FAF1: variants seen among roughly 807,000 people sequenced by gnomAD.
FAF1 encodes FAS-associated factor 1.
FAF1 carries 25 observed loss-of-function variants against 92.5 expected under a neutral mutation model. The observed-to-expected ratio is 0.27, with a 90% confidence interval of 0.20 to 0.38. The LOEUF (loss-of-function observed/expected upper bound fraction) is 0.38. Ranked by LOEUF, FAF1 falls within the 10% of genes least tolerant of loss-of-function variation. FAF1 has a pLI of 1.00. For missense variants in FAF1, 636 were observed against 793.3 expected (o/e 0.80, Z 2.38); for synonymous variants, 234 against 273.2 (o/e 0.86, Z 1.42).
chr1:50,882,423 G>C (rs761839597), intron 1 of FAF1, among the ~76,000 whole-genome samples: 12 of 150,610 alleles, frequency 8.0e-5, no homozygotes, highest in Non-Finnish European at 1.3e-4. Context: ...GTAAAACCCT[G>C]TCTCCACTAA....
At chr1:50,796,065 A>G (rs1429167636) in intron 3 of FAF1, among the ~76,000 whole-genome samples, 1 of 152,164 alleles carries the variant, frequency 6.6e-6, no homozygotes, top group Non-Finnish European at 1.5e-5. Flanking sequence ...ACAACAAAAA[A>G]AAACAAAAAC....
chr1:50,855,291 C>T (rs1468376444), intron 2 of FAF1, among the ~76,000 whole-genome samples: 1 of 151,728 alleles, frequency 6.6e-6, no homozygotes, highest in Non-Finnish European at 1.5e-5. Flanking sequence ...AATCTGGATG[C>T]ACTGTAAGCA....
chr1:50,781,032 C>A (rs772909752), intron 4 of FAF1: 8 of 457,474 alleles, frequency 1.7e-5, no homozygotes, highest in Non-Finnish European at 3.5e-5. Context: ...CTGTGGGTGA[C>A]AGCCTGATTG....
At chr1:50,955,236 A>C (rs1264113284) in intron 1 of FAF1, among the ~76,000 whole-genome samples, 1 of 152,230 alleles carries the variant, frequency 6.6e-6, no homozygotes, top group Non-Finnish European at 1.5e-5. Context: ...ATAGTTACAA[A>C]AAGACTTGAA....
At chr1:50,681,825 G>GT (rs375893597) in intron 7 of FAF1, among the ~76,000 whole-genome samples, 158 of 149,740 alleles carry the variant, frequency 1.1e-3, no homozygotes, top group Non-Finnish European at 1.6e-3. Context: ...GGCCTCTTTT[G>GT]TTTTTTTTGG....
chr1:50,621,341 C>CAG (rs1157874690), intron 8 of FAF1, among the ~76,000 whole-genome samples: 1 of 150,732 alleles, frequency 6.6e-6, no homozygotes. Context: ...GGAGGGCTTG[C>CAG]AGATATGCCC....
intron 13 of FAF1, among the ~76,000 whole-genome samples, chr1:50,548,112 T>C (rs1408987330): frequency 1.3e-5 from 2 of 152,188 alleles, no homozygotes; most frequent in East Asian, 3.9e-4. Context: ...CCATATAACA[T>C]TTCTTCTGTG....
chr1:50,710,950 C>G (rs927659073), intron 6 of FAF1, among the ~76,000 whole-genome samples: 14 of 145,332 alleles, frequency 9.6e-5, no homozygotes, highest in Admixed American at 3.6e-4. Flanking sequence ...TGCACTGTCA[C>G]CCAGGCTGGA....
At chr1:50,751,512 T>C (rs1048653242) in intron 4 of FAF1, among the ~76,000 whole-genome samples, 1 of 151,938 alleles carries the variant, frequency 6.6e-6, no homozygotes, top group Admixed American at 6.6e-5. Context: ...CCTGACAAAT[T>C]TTTGTATTTT....
At chr1:50,664,655 AT>A (rs1557463493) in intron 7 of FAF1, among the ~76,000 whole-genome samples, 1 of 152,144 alleles carries the variant, frequency 6.6e-6, no homozygotes, top group African/African-American at 2.4e-5. Context: ...TTAGCCAGGC[AT>A]GGTGGCGGGC....
At chr1:50,773,613 T>C (rs1301424289) in intron 4 of FAF1, among the ~76,000 whole-genome samples, 2 of 152,240 alleles carry the variant, frequency 1.3e-5, no homozygotes, top group South Asian at 4.1e-4. Context: ...CACTTACATA[T>C]GGAATCTAAA....
At chr1:50,594,081 G>A (rs1012373510) in intron 9 of FAF1, among the ~76,000 whole-genome samples, 3 of 152,134 alleles carry the variant, frequency 2.0e-5, no homozygotes, top group Non-Finnish European at 4.4e-5. Flanking sequence ...GGAGGGCTGA[G>A]GAGGGTGGAT....
intron 12 of FAF1, among the ~76,000 whole-genome samples, chr1:50,574,472 T>C (rs1458181074): frequency 6.6e-6 from 1 of 152,152 alleles, no homozygotes; most frequent in Non-Finnish European, 1.5e-5. Flanking sequence ...CTCTTAAAAG[T>C]GCAGGAAGGA....
At chr1:50,556,238 CAAAAA>C (rs34420030) in intron 13 of FAF1, among the ~76,000 whole-genome samples, 17 of 73,802 alleles carry the variant, frequency 2.3e-4, no homozygotes, top group African/African-American at 1.0e-4. Flanking sequence ...ACTCCATCTC[CAAAAA>C]AAAAAAAAAA....
chr1:50,710,634 G>A (rs1024876634), intron 6 of FAF1, among the ~76,000 whole-genome samples: 3 of 150,496 alleles, frequency 2.0e-5, no homozygotes, highest in Admixed American at 6.6e-5. Context: ...ACAGAGTCTC[G>A]CTCTGTCACC....
intron 4 of FAF1, among the ~76,000 whole-genome samples, chr1:50,746,296 T>A (rs867793842): frequency 2.8e-3 from 105 of 37,702 alleles, no homozygotes; most frequent in East Asian, 6.1e-3. Context: ...ATATATATTT[T>A]TTTTTTTTTT....
chr1:50,954,061 G>A (rs1645244289), intron 1 of FAF1, among the ~76,000 whole-genome samples: 1 of 151,798 alleles, frequency 6.6e-6, no homozygotes, highest in Non-Finnish European at 1.5e-5. Flanking sequence ...CCATTCTCCT[G>A]CCTCAGCCTC....
chr1:50,846,421 T>C, intron 2 of FAF1: 1 of 387,646 alleles, frequency 2.6e-6, no homozygotes, highest in Non-Finnish European at 5.0e-6. Context: ...CCCCTTCGCG[T>C]CCTGGGAACC....
chr1:50,572,453 TTTTA>T (rs1370545083), intron 12 of FAF1, among the ~76,000 whole-genome samples: 2 of 152,330 alleles, frequency 1.3e-5, no homozygotes, highest in African/African-American at 2.4e-5. Context: ...TTTGTAGCTG[TTTTA>T]TTTATTGTTT....
Sources: allele counts gnomAD v4.1 joint callset (sites outside exome capture counted in the v4.1 genomes callset), GRCh38; gene constraint gnomAD v4.1.1; transcripts MANE v1.5; gene names NCBI Gene and HGNC (gene_info 2026-07-23, HGNC 2026-07-21).